Variants in BMP2 observed in about 807,000 individuals in gnomAD.
BMP2 encodes the protein bone morphogenetic protein 2A.
In BMP2, 2 loss-of-function variants were observed where a neutral mutation model predicts 28.8. That is an observed-to-expected ratio of 0.07 (90% CI 0.03 to 0.22). The LOEUF (loss-of-function observed/expected upper bound fraction) is 0.22. Ranked by LOEUF, BMP2 falls within the 10% of genes least tolerant of loss-of-function variation. The pLI is 1.00. For synonymous variants in BMP2, 218 were observed against 204.3 expected (o/e 1.07, Z -0.57); for missense variants, 437 against 517.7 (o/e 0.84, Z 1.51).
In BMP2 at chr20:6,769,612, GGTGTGTGTGTGTGT is replaced by G. The variant is rs61071559; in HGVS notation, c.-7-485_-7-472del. On this transcript the variant is annotated intron_variant, in intron 1 of 2. Transcript: ENST00000378827. ...GCTTACAGGGTCTGGAAGCTATAAG[GGTGTGTGTGTGTGT>G]GTGTGTGTGTGTGTGTGTGTGTCAG... is the stretch of plus-strand genomic sequence containing the variant. Among the ~76,000 whole-genome samples the G allele has an allele frequency of 7.1e-5, 10 of 139,998 alleles. 1 individual carries two copies. In the South Asian group the frequency reaches 1.7e-3, roughly 23 times the overall value. The allele number at this position is 139,998 out of a possible 152,430, so 91.8% of individuals were successfully genotyped here.
At position 6,777,819 on chromosome 20, in the gene BMP2, T is replaced by A. The variant is rs547183305; in HGVS notation, c.347-426T>A. 3.9e-5 allele frequency among the ~76,000 whole-genome samples: 6 copies of A among 152,194 alleles called. No individual in the cohort carries two copies. In the East Asian group the frequency reaches 9.6e-4, roughly 24 times the overall value. ...AAGGGATTGGCATTAAAGCCTTTTT[T>A]AAAAAAGAAATGCAATAATTTCCTC... On this transcript the variant is annotated intron_variant, in intron 2 of 2. Coordinates refer to ENST00000378827, the MANE Select transcript of BMP2 (RefSeq NM_001200.4).
chr20:6,778,266 A>G lies in BMP2; in HGVS notation c.368A>G (p.Glu123Gly). 2 of 1,596,334 alleles carry G rather than the reference A, an allele frequency of 1.3e-6. No homozygotes were observed. Among genetic ancestry groups the G allele is most frequent in the Non-Finnish European group, 1.7e-6 (2 of 1,173,258 alleles). Reference protein sequence around the residue: ...HHEESLEELPETSGKTTRRFF... With the variant: ...HHEESLEELPGTSGKTTRRFF... ...TTAGAATCTTTGGAAGAACTACCAG[A>G]AACGAGTGGGAAAACAACCCGGAGA... is the stretch of plus-strand genomic sequence containing the variant. Residue 123 changes from glutamate (E) to glycine (G), a missense_variant, in exon 3 of 3, where the codon GAA (glutamate) becomes GGA (glycine). Physicochemically the swap from Glu to Gly is moderately conservative, Grantham distance 98. Around this residue, in one of 2 missense-constraint regions of BMP2, gnomAD observed 363 missense variants for 392.8 expected, o/e 0.92. Transcript: ENST00000378827. This position sits in a 1 kb window ranked among gnomAD's most constrained non-coding sequence, Gnocchi z 5.0.
At chr20:6,775,279 C>T (rs879938251) in intron 2 of BMP2, among the ~76,000 whole-genome samples, 2 of 152,140 alleles carry the variant, frequency 1.3e-5, no homozygotes, top group South Asian at 2.1e-4. Flanking sequence ...AGAAAAGATT[C>T]GTACTCTTCC....
chr20:6,770,543 C>A, intron 2 of BMP2, 71 bp downstream of exon 2: 1 of 1,449,116 alleles, frequency 6.9e-7, no homozygotes, highest in Non-Finnish European at 9.2e-7. Context: ...CAGACTGCAG[C>A]CGTCCCTGTA....
rs1308326544 is a variant in BMP2 at position 6,778,975 on chromosome 20, A to G, written c.1077A>G (p.Ala359=). ...VNSVNSKIPK[A]CCVPTELSAI... The stretch of plus-strand genomic sequence containing the variant: ...CTGTTAACTCTAAGATTCCTAAGGC[A>G]TGCTGTGTCCCGACAGAACTCAGTG... The change falls in exon 3 of 3, where the codon GCA becomes GCG. Residue 359 remains alanine (A), a synonymous_variant. Coordinates refer to ENST00000378827, the MANE Select transcript of BMP2 (RefSeq NM_001200.4). The surrounding 1 kb of genome is among the most constrained non-coding windows in gnomAD (Gnocchi z 5.0). 4 of 1,613,902 alleles carry G rather than the reference A, an allele frequency of 2.5e-6. 1 individual carries two copies. The South Asian group carries it at 4.4e-5, about 18-fold the overall frequency.
At chr20:6,776,266 G>A (rs1309827526) in intron 2 of BMP2, among the ~76,000 whole-genome samples, 5 of 152,032 alleles carry the variant, frequency 3.3e-5, no homozygotes, top group African/African-American at 1.2e-4. Flanking sequence ...ATCCTGAAAG[G>A]TATTCCCCAG....
In BMP2 at chr20:6,770,135, C is replaced by T; in HGVS notation, c.9C>T (p.Ala3=). MV[A]GTRCLLALLL... Reference sequence around the variant, plus strand: ...CTGTCCGCAGGTCGACCATGGTGGCCGGGACCCGCTGTCTTCTAGCGTTGC... The same window carrying T: ...CTGTCCGCAGGTCGACCATGGTGGCTGGGACCCGCTGTCTTCTAGCGTTGC... Residue 3 remains alanine, a synonymous_variant, in exon 2 of 3, where the codon GCC becomes GCT. Coordinates refer to ENST00000378827, the MANE Select transcript of BMP2 (RefSeq NM_001200.4). 1.9e-6 allele frequency: 3 copies of T among 1,546,820 alleles called. No individual in the cohort carries two copies. The highest frequency in any genetic ancestry group is 2.6e-6 in the Non-Finnish European group (3 of 1,146,136).
At position 6,770,252 on chromosome 20, in the gene BMP2, A is replaced by C. The variant is rs1986366758; in HGVS notation, c.126A>C (p.Ser42=). ...KFAAASSGRP[S]SQPSDEVLSE... Reference sequence around the variant, plus strand: ...CGGCGGCGTCGTCGGGCCGCCCCTCATCCCAGCCCTCTGACGAGGTCCTGA... The same window carrying C: ...CGGCGGCGTCGTCGGGCCGCCCCTCCTCCCAGCCCTCTGACGAGGTCCTGA... The change falls in exon 2 of 3, where the codon TCA becomes TCC. Residue 42 remains serine (S), a synonymous_variant. Transcript: ENST00000378827. 2.5e-6 allele frequency: 4 copies of C among 1,610,456 alleles called. No individual in the cohort carries two copies. Among genetic ancestry groups the C allele is most frequent in the Non-Finnish European group, 3.4e-6 (4 of 1,178,630 alleles).
rs1986546303 is a variant in BMP2, at chr20:6,778,428, T to C, written c.530T>C (p.Ile177Thr). 1 of 1,614,082 alleles carries C rather than the reference T, an allele frequency of 6.2e-7. No individual in the cohort carries two copies. The highest frequency in any genetic ancestry group is 1.3e-5 in the African/African-American group (1 of 74,928). The change falls in exon 3 of 3, where the codon ATA becomes ACA. Residue 177 changes from isoleucine to threonine, a missense_variant. Coordinates refer to ENST00000378827, the MANE Select transcript of BMP2 (RefSeq NM_001200.4). The surrounding 1 kb of genome is among the most constrained non-coding windows in gnomAD (Gnocchi z 5.0). ...CACCGAATTAATATTTATGAAATCA[T>C]AAAACCTGCAACAGCCAACTCGAAA... Reference protein sequence around the residue: ...FHHRINIYEIIKPATANSKFP... With the variant: ...FHHRINIYEITKPATANSKFP...
chr20:6,772,723 T>C (rs1035093563), intron 2 of BMP2, among the ~76,000 whole-genome samples: 3 of 152,228 alleles, frequency 2.0e-5, no homozygotes, highest in Non-Finnish European at 4.4e-5. Context: ...CGACGAGATA[T>C]CATGATAGCA....
At position 6,778,591 on chromosome 20, in the gene BMP2, C is replaced by T. The variant is rs748576773; in HGVS notation, c.693C>T (p.Ala231=). 6.2e-7 allele frequency: 1 copy of T among 1,613,922 alleles called. No homozygotes were observed. The highest frequency in any genetic ancestry group is 1.1e-5 in the South Asian group (1 of 91,042). ...ACCATGGATTCGTGGTGGAAGTGGCCCACTTGGAGGAGAAACAAGGTGTCT... is the reference window on the plus strand; with the variant it reads ...ACCATGGATTCGTGGTGGAAGTGGCTCACTTGGAGGAGAAACAAGGTGTCT... The part of the protein sequence containing the change: ...HANHGFVVEV[A]HLEEKQGVSK... The change falls in exon 3 of 3, where the codon GCC becomes GCT. Residue 231 remains alanine (A), a synonymous_variant. Transcript: ENST00000378827. This position sits in a 1 kb window ranked among gnomAD's most constrained non-coding sequence, Gnocchi z 5.0.
Position 6,779,610 on chromosome 20 carries a change from T to TC in BMP2, c.*522dup, listed in dbSNP as rs1986582813. ...CAGTGCTACTGTTGAGTTCACAAGT[T>TC]CAAGTCCAGAAAAAAAAAGTGGATA... On this transcript the variant is annotated 3_prime_UTR_variant, in exon 3 of 3. Coordinates refer to ENST00000378827, the MANE Select transcript of BMP2 (RefSeq NM_001200.4). The TC allele has an allele frequency of 6.6e-6, 1 of 152,538 alleles. No homozygotes were observed. Among genetic ancestry groups the TC allele is most frequent in the Admixed American group, 6.5e-5 (1 of 15,272 alleles). The allele number at this position is 152,538 out of a possible 1,614,324, so 9.4% of individuals were successfully genotyped here. A position where few individuals can be genotyped will look rare whatever the true frequency, so the allele number is the denominator to read the frequency against.
At chr20:6,772,501 G>C (rs1406561707) in intron 2 of BMP2, among the ~76,000 whole-genome samples, 1 of 152,130 alleles carries the variant, frequency 6.6e-6, no homozygotes, top group Non-Finnish European at 1.5e-5. Context: ...TATACACCCA[G>C]GATTTGCTTT....
At chr20:6,772,271 CT>C (rs1212655755) in intron 2 of BMP2, among the ~76,000 whole-genome samples, 1 of 152,122 alleles carries the variant, frequency 6.6e-6, no homozygotes, top group African/African-American at 2.4e-5. Context: ...GAATTTATAT[CT>C]TTGTGAGTGT....
chr20:6,775,466 G>T (rs1004493652), intron 2 of BMP2, among the ~76,000 whole-genome samples: 1 of 152,126 alleles, frequency 6.6e-6, no homozygotes, highest in African/African-American at 2.4e-5. Context: ...ATTCACTGAG[G>T]TGCAGTGGGA....
rs1369599288 is a variant in BMP2 at position 6,778,724 on chromosome 20, C to T, written c.826C>T (p.Leu276Phe). Reference sequence around the variant, plus strand: ...TGGCCATGATGGAAAAGGGCATCCTCTCCACAAAAGAGAAAAACGTCAAGC... The same window carrying T: ...TGGCCATGATGGAAAAGGGCATCCTTTCCACAAAAGAGAAAAACGTCAAGC... ...TFGHDGKGHPLHKREKRQAKH... is the reference protein window; with the variant it reads ...TFGHDGKGHPFHKREKRQAKH... The change falls in exon 3 of 3, where the codon CTC (leucine) becomes TTC (phenylalanine). Residue 276 changes from leucine (L) to phenylalanine (F), a missense_variant. Leu to Phe is a conservative substitution (Grantham distance 22). Transcript: ENST00000378827. The surrounding 1 kb of genome is among the most constrained non-coding windows in gnomAD (Gnocchi z 5.0). 7 of 1,614,082 alleles carry T rather than the reference C, an allele frequency of 4.3e-6. No homozygotes were observed. Among genetic ancestry groups the T allele is most frequent in the Non-Finnish European group, 5.9e-6 (7 of 1,180,040 alleles).
rs1326467217 is a variant in BMP2 at position 6,779,623 on chromosome 20, A to AAAAAAGTGGATAATCCACTCTGCTG, written c.*536_*560dup. On this transcript the variant is annotated 3_prime_UTR_variant, in exon 3 of 3. Coordinates refer to ENST00000378827, the MANE Select transcript of BMP2 (RefSeq NM_001200.4). ...GAGTTCACAAGTTCAAGTCCAGAAA[A>AAAAAAGTGGATAATCCACTCTGCTG]AAAAAGTGGATAATCCACTCTGCTG... The AAAAAAGTGGATAATCCACTCTGCTG allele has an allele frequency of 2.0e-5, 3 of 152,646 alleles. No homozygotes were observed. The highest frequency in any genetic ancestry group is 4.4e-5 in the Non-Finnish European group (3 of 68,042). The allele number at this position is 152,646 out of a possible 1,614,324, so 9.5% of individuals were successfully genotyped here. A position where few individuals can be genotyped will look rare whatever the true frequency, so the allele number is the denominator to read the frequency against.
In BMP2 at chr20:6,768,500, TC is replaced by T. The variant is rs1456747440; in HGVS notation, c.-380del. On this transcript the variant is annotated 5_prime_UTR_variant, in exon 1 of 3. An upstream open reading frame in the 5' UTR gains an earlier in-frame stop. Coordinates refer to ENST00000378827, the MANE Select transcript of BMP2 (RefSeq NM_001200.4). Reference sequence around the variant, plus strand: ...CAGCACCAGCTTCTCCTTTCTCCCTTCCCTTCCCTGCCCCGCACTCCTCCCC... The same window carrying T: ...CAGCACCAGCTTCTCCTTTCTCCCTTCCTTCCCTGCCCCGCACTCCTCCCC... The T allele has an allele frequency of 1.3e-5, 5 of 392,294 alleles. No homozygotes were observed. The highest frequency in any genetic ancestry group is 1.8e-5 in the Non-Finnish European group (4 of 222,458). The allele number at this position is 392,294 out of a possible 1,614,324, so 24.3% of individuals were successfully genotyped here. A position where few individuals can be genotyped will look rare whatever the true frequency, so the allele number is the denominator to read the frequency against.
At chr20:6,770,779 T>A (rs1986383461) in intron 2 of BMP2, among the ~76,000 whole-genome samples, 1 of 152,160 alleles carries the variant, frequency 6.6e-6, no homozygotes, top group African/African-American at 2.4e-5. Flanking sequence ...ATGCCTCTAG[T>A]CAGCTAAACG....
Sources: allele counts gnomAD v4.1 joint callset (sites outside exome capture counted in the v4.1 genomes callset), GRCh38; gene constraint gnomAD v4.1.1; regional missense constraint gnomAD v4.1.1; non-coding constraint Gnocchi (gnomAD v3.1); transcripts MANE v1.5; gene names NCBI Gene and HGNC (gene_info 2026-07-23, HGNC 2026-07-21).